THSD7B: variants seen among roughly 807,000 people sequenced by gnomAD.
THSD7B encodes the protein thrombospondin type-1 domain-containing protein 7B.
In THSD7B, 138 loss-of-function variants were observed where a neutral mutation model predicts 213.6. The ratio of observed to expected loss-of-function variants is 0.65; its 90% confidence interval spans 0.56 to 0.74. The LOEUF is 0.74. Ranked by LOEUF, THSD7B falls within the 30% of genes least tolerant of loss-of-function variation. The pLI is 0.00. For missense variants in THSD7B, 1,931 were observed against 1,991.5 expected, an observed-to-expected ratio of 0.97 and a Z score of 0.58; for synonymous variants, 742 against 687.0, an observed-to-expected ratio of 1.08 and a Z score of -1.25.
In THSD7B at chr2:137,389,193, C is replaced by CATATATATATATATAT. The variant is rs59969102; in HGVS notation, c.2501-16411_2501-16396dup. ...ATCACCAGTCTCACCATATATCTGT[C>CATATATATATATATAT]ATATATATATATATATATATATATG... is the stretch of plus-strand genomic sequence containing the variant. On this transcript the variant is annotated intron_variant, in intron 12 of 27. Transcript: ENST00000409968. Among the ~76,000 whole-genome samples, 438 of 127,220 alleles carry CATATATATATATATAT rather than the reference C, an allele frequency of 3.4e-3. 8 individuals are homozygous for CATATATATATATATAT. Among genetic ancestry groups the CATATATATATATATAT allele is most frequent in the African/African-American group, 0.012 (386 of 32,280 alleles). The allele number at this position is 127,220 out of a possible 152,430, so 83.5% of individuals were successfully genotyped here.
intron 15 of THSD7B, among the ~76,000 whole-genome samples, chr2:137,490,120 T>C (rs1688572222): frequency 6.6e-6 from 1 of 152,182 alleles, no homozygotes; most frequent in Admixed American, 6.5e-5. Context: ...AAAGTGAGTA[T>C]AGCTAAGACA....
intron 15 of THSD7B, among the ~76,000 whole-genome samples, 174 bp from the exon 16 acceptor site, chr2:137,563,047 G>A (rs1476262857): frequency 6.6e-6 from 1 of 152,144 alleles, no homozygotes; most frequent in Non-Finnish European, 1.5e-5. Context: ...CTTTAGGCAA[G>A]TCAGTAAATT....
intron 9 of THSD7B, among the ~76,000 whole-genome samples, chr2:137,238,578 G>T (rs1469542468): frequency 2.0e-5 from 2 of 101,286 alleles, no homozygotes; most frequent in Non-Finnish European, 3.5e-5. Flanking sequence ...ACGGAGTCTC[G>T]CTCTGTCGCC....
chr2:137,434,295 A>T (rs1371298154), intron 14 of THSD7B, among the ~76,000 whole-genome samples: 3 of 152,144 alleles, frequency 2.0e-5, no homozygotes, highest in African/African-American at 7.2e-5. Flanking sequence ...AGTCTAGTAA[A>T]CCCATCACAA....
chr2:137,554,865 C>A (rs762618978), intron 15 of THSD7B, among the ~76,000 whole-genome samples: 1 of 152,178 alleles, frequency 6.6e-6, no homozygotes, highest in East Asian at 1.9e-4. Flanking sequence ...CTGCACTTTT[C>A]CAATGGTCTT....
At chr2:137,378,211 T>C (rs1251865251) in intron 12 of THSD7B, among the ~76,000 whole-genome samples, 1 of 152,188 alleles carries the variant, frequency 6.6e-6, no homozygotes, top group Non-Finnish European at 1.5e-5. Context: ...GTTAGAATGA[T>C]TGCTGACAAT....
intron 17 of THSD7B, among the ~76,000 whole-genome samples, chr2:137,602,193 A>T (rs972937099): frequency 2.0e-5 from 3 of 152,180 alleles, no homozygotes; most frequent in African/African-American, 7.2e-5. Context: ...TTGTGGTGTT[A>T]TAGCAGAATA....
chr2:136,821,609 C>G (rs1218119494), intron 1 of THSD7B, among the ~76,000 whole-genome samples: 6 of 152,084 alleles, frequency 3.9e-5, no homozygotes, highest in Non-Finnish European at 8.8e-5. Context: ...GGAGAAGGTC[C>G]CTTTCTTGGG....
chr2:137,073,066 T>C (rs1280716293), intron 3 of THSD7B, among the ~76,000 whole-genome samples: 1 of 152,144 alleles, frequency 6.6e-6, no homozygotes, highest in Non-Finnish European at 1.5e-5. Context: ...TAAAATTCTC[T>C]TTTTTTGTTG....
Position 137,227,583 on chromosome 2 carries a change from CT to C in THSD7B, c.1724-3459del, listed in dbSNP as rs1229740963. Among the ~76,000 whole-genome samples, 16 of 152,228 alleles carry C rather than the reference CT, an allele frequency of 1.1e-4. No individual in the cohort carries two copies. In the Middle Eastern group the frequency reaches 0.01, roughly 97 times the overall value. ...AAAACAGGAAAGCATAAATGTTCCT[CT>C]TCTGAGATGGGTTCTGTCTGCACAA... On this transcript the variant is annotated intron_variant, in intron 7 of 27. Transcript: ENST00000409968.
At chr2:137,355,452 G>A (rs575093471) in intron 12 of THSD7B, among the ~76,000 whole-genome samples, 1 of 152,038 alleles carries the variant, frequency 6.6e-6, no homozygotes, top group Non-Finnish European at 1.5e-5. Context: ...GTAAAGATAC[G>A]TCGTAACACC....
chr2:137,412,623 A>AAAAAAAAAAAAC (rs1573611118), intron 14 of THSD7B, among the ~76,000 whole-genome samples: 10 of 126,282 alleles, frequency 7.9e-5, no homozygotes, highest in Non-Finnish European at 1.6e-4. Flanking sequence ...AAAAAAAACA[A>AAAAAAAAAAAAC]AAAACAGTTT....
chr2:137,116,947 CA>C (rs1024228178), intron 5 of THSD7B, among the ~76,000 whole-genome samples: 1 of 152,172 alleles, frequency 6.6e-6, no homozygotes, highest in African/African-American at 2.4e-5. Flanking sequence ...CACAGGAAAA[CA>C]GAAAGTACTT....
intron 17 of THSD7B, among the ~76,000 whole-genome samples, chr2:137,578,489 A>G (rs1462359269): frequency 6.6e-6 from 1 of 152,206 alleles, no homozygotes; most frequent in African/African-American, 2.4e-5. Flanking sequence ...CCATTTGTTA[A>G]TGACCTAACA....
At chr2:137,496,618 A>G (rs1679574957) in intron 15 of THSD7B, among the ~76,000 whole-genome samples, 1 of 152,152 alleles carries the variant, frequency 6.6e-6, no homozygotes, top group Non-Finnish European at 1.5e-5. Context: ...TGCACGTTTA[A>G]AAACCACGGG....
intron 12 of THSD7B, among the ~76,000 whole-genome samples, chr2:137,345,491 A>C (rs1353456180): frequency 6.6e-6 from 1 of 151,786 alleles, no homozygotes; most frequent in Admixed American, 6.6e-5. Flanking sequence ...CGTCTCTGAA[A>C]GAATTGAAAG....
chr2:136,878,267 A>G (rs1431434187), intron 1 of THSD7B, among the ~76,000 whole-genome samples: 2 of 152,182 alleles, frequency 1.3e-5, no homozygotes, highest in Admixed American at 6.5e-5. Context: ...TTATGGCTGC[A>G]TAGTATTCCA....
chr2:137,001,103 G>GT (rs1337001114), intron 2 of THSD7B, among the ~76,000 whole-genome samples: 4 of 152,010 alleles, frequency 2.6e-5, no homozygotes, highest in South Asian at 2.1e-4. Context: ...ATGCACTGCA[G>GT]TTTTTTTCAT....
At chr2:136,911,880 T>C (rs1240108402) in intron 2 of THSD7B, among the ~76,000 whole-genome samples, 1 of 152,218 alleles carries the variant, frequency 6.6e-6, no homozygotes, top group African/African-American at 2.4e-5. Flanking sequence ...TTCCTTTCCA[T>C]CTACTCCATG....
Sources: allele counts gnomAD v4.1 joint callset (sites outside exome capture counted in the v4.1 genomes callset), GRCh38; gene constraint gnomAD v4.1.1; transcripts MANE v1.5; gene names NCBI Gene and HGNC (gene_info 2026-07-23, HGNC 2026-07-21).